SNTG2: variants seen among roughly 807,000 people sequenced by gnomAD.
SNTG2 encodes the protein syntrophin gamma 2, also known as gamma-2-syntrophin.
SNTG2 carries 74 observed loss-of-function variants against 70.9 expected under a neutral mutation model. The ratio of observed to expected loss-of-function variants is 1.04; its 90% CI spans 0.86 to 1.27. The LOEUF (loss-of-function observed/expected upper bound fraction) is 1.27. SNTG2 is among the 50% of genes most tolerant of loss of function. The pLI is 0.00. For missense variants in SNTG2, 717 were observed against 690.7 expected (o/e 1.04, Z -0.43); for synonymous variants, 278 against 273.8 (o/e 1.02, Z -0.15).
At chr2:1,269,942 C>A (rs534178546) in intron 14 of SNTG2, among the ~76,000 whole-genome samples, 53 of 152,208 alleles carry the variant, frequency 3.5e-4, no homozygotes, top group Admixed American at 1.2e-3. Flanking sequence ...GCCGTGATGA[C>A]CACTGTTGGG....
chr2:1,155,999 A>G (rs896515341), intron 6 of SNTG2, among the ~76,000 whole-genome samples: 1 of 152,214 alleles, frequency 6.6e-6, no homozygotes. Context: ...AGGCCAGGCC[A>G]GGACACCGCA....
intron 4 of SNTG2, among the ~76,000 whole-genome samples, chr2:1,101,474 T>C (rs1157854734): frequency 4.6e-5 from 7 of 152,260 alleles, no homozygotes; most frequent in African/African-American, 1.2e-4. Flanking sequence ...GATCAGAAGC[T>C]TGGTCTCATT....
At chr2:1,136,241 A>C (rs1269820677) in intron 4 of SNTG2, among the ~76,000 whole-genome samples, 2 of 152,118 alleles carry the variant, frequency 1.3e-5, no homozygotes, top group Middle Eastern at 3.4e-3. Flanking sequence ...ACATGTTTTC[A>C]GGATGCAGCC....
intron 8 of SNTG2, among the ~76,000 whole-genome samples, chr2:1,189,560 CTA>C (rs1165949452): frequency 5.8e-5 from 8 of 137,294 alleles, no homozygotes; most frequent in Non-Finnish European, 1.2e-4. Flanking sequence ...TAATGGGACT[CTA>C]ACTTTTTTTT....
At chr2:1,026,863 C>T (rs978042362) in intron 1 of SNTG2, among the ~76,000 whole-genome samples, 1 of 152,152 alleles carries the variant, frequency 6.6e-6, no homozygotes, top group Non-Finnish European at 1.5e-5. Flanking sequence ...CCTGTGGCCT[C>T]CCCCTGCCCT....
At chr2:1,188,294 A>G (rs1672369812) in intron 8 of SNTG2, among the ~76,000 whole-genome samples, 1 of 152,190 alleles carries the variant, frequency 6.6e-6, no homozygotes, top group South Asian at 2.1e-4. Flanking sequence ...AGAAATTACA[A>G]AAAACCTGAA....
intron 8 of SNTG2, among the ~76,000 whole-genome samples, chr2:1,185,223 A>G (rs1423812051): frequency 1.3e-5 from 2 of 152,188 alleles, no homozygotes; most frequent in Non-Finnish European, 2.9e-5. Context: ...GGGCAGCCCC[A>G]CTGCTGTGGC....
intron 1 of SNTG2, among the ~76,000 whole-genome samples, chr2:1,002,498 T>G (rs1659428194): frequency 6.6e-6 from 1 of 152,078 alleles, no homozygotes; most frequent in Non-Finnish European, 1.5e-5. Context: ...GCATTTGAAT[T>G]AATGCTGAAC....
intron 16 of SNTG2, among the ~76,000 whole-genome samples, chr2:1,330,814 G>A (rs894311262): frequency 1.3e-5 from 2 of 152,174 alleles, no homozygotes; most frequent in African/African-American, 4.8e-5. Flanking sequence ...TGCCAACGGG[G>A]TGCCCCTTAA....
chr2:1,181,792 G>A (rs1027453074), intron 8 of SNTG2, among the ~76,000 whole-genome samples: 1 of 152,036 alleles, frequency 6.6e-6, no homozygotes, highest in African/African-American at 2.4e-5. Context: ...TTTGTTTCTA[G>A]TTGCCACATA....
chr2:1,295,256 G>A (rs563249666), intron 14 of SNTG2, among the ~76,000 whole-genome samples: 1 of 152,336 alleles, frequency 6.6e-6, no homozygotes, highest in East Asian at 1.9e-4. Context: ...TCATGCCTCA[G>A]TGTGAGGAGC....
intron 1 of SNTG2, among the ~76,000 whole-genome samples, chr2:1,059,918 T>C (rs1232221119): frequency 6.6e-6 from 1 of 151,946 alleles, no homozygotes; most frequent in African/African-American, 2.4e-5. Flanking sequence ...AAAAGTTCAG[T>C]AGAATCAAAT....
rs574697655 is a variant in SNTG2, at chr2:978,541, C to T, written c.72+27473C>T. On this transcript the variant is annotated intron_variant, in intron 1 of 16. Coordinates refer to ENST00000308624, the MANE Select transcript of SNTG2 (RefSeq NM_018968.4). ...TTTCCCTGTCTTGTTTTTAATTCTC[C>T]GCTTATCAAGTAATAAGATTCAACC... 2.4e-4 allele frequency among the ~76,000 whole-genome samples: 36 copies of T among 152,098 alleles called. No homozygotes were observed. The South Asian group carries it at 3.3e-3, about 14-fold the overall frequency.
chr2:1,256,827 T>C (rs1678147017), intron 12 of SNTG2, among the ~76,000 whole-genome samples: 1 of 152,110 alleles, frequency 6.6e-6, no homozygotes, highest in Non-Finnish European at 1.5e-5. Context: ...TGGCAGGGCC[T>C]CTGGGACTTG....
In SNTG2 at chr2:1,207,746, C is replaced by T. The variant is rs184152159; in HGVS notation, c.592-1357C>T. Among the ~76,000 whole-genome samples the T allele has an allele frequency of 6.9e-4, 105 of 152,288 alleles. 1 individual carries two copies. The highest frequency in any genetic ancestry group is 2.4e-3 in the African/African-American group (98 of 41,558). Reference sequence around the variant, plus strand: ...TCATGAGAAACCCTGGGGAACCGCCCCCCGTCTCCTCTCACCGCAAACCAA... The same window carrying T: ...TCATGAGAAACCCTGGGGAACCGCCTCCCGTCTCCTCTCACCGCAAACCAA... On this transcript the variant is annotated intron_variant, in intron 8 of 16. Coordinates refer to ENST00000308624, the MANE Select transcript of SNTG2 (RefSeq NM_018968.4).
chr2:1,203,679 T>C, intron 8 of SNTG2, among the ~76,000 whole-genome samples: 1 of 66,960 alleles, frequency 1.5e-5, no homozygotes, highest in Admixed American at 2.1e-4. Context: ...AAAAAATATA[T>C]ATATATATAT....
intron 14 of SNTG2, among the ~76,000 whole-genome samples, chr2:1,286,592 G>T (rs1209123014): frequency 2.6e-5 from 4 of 152,230 alleles, no homozygotes; most frequent in Admixed American, 6.5e-5. Flanking sequence ...ACGGATGGTA[G>T]TCTTGGCAGA....
chr2:1,325,530 G>T (rs1205173090), intron 16 of SNTG2, among the ~76,000 whole-genome samples: 1 of 152,142 alleles, frequency 6.6e-6, no homozygotes, highest in African/African-American at 2.4e-5. Context: ...TTTTGGTTCT[G>T]GTTTTGTTTT....
At chr2:955,254 C>A (rs1205413052) in intron 1 of SNTG2, among the ~76,000 whole-genome samples, 2 of 152,106 alleles carry the variant, frequency 1.3e-5, no homozygotes, top group Non-Finnish European at 2.9e-5. Context: ...AAAAGGTGAC[C>A]CTCCACTGTC....
Sources: allele counts gnomAD v4.1 joint callset (sites outside exome capture counted in the v4.1 genomes callset), GRCh38; gene constraint gnomAD v4.1.1; transcripts MANE v1.5; gene names NCBI Gene and HGNC (gene_info 2026-07-23, HGNC 2026-07-21).